Variants in AGBL4 observed in about 807,000 individuals in gnomAD.
AGBL4 encodes AGBL carboxypeptidase 4.
A neutral mutation model predicts 66.4 loss-of-function variants in AGBL4; 58 were observed. That is an observed-to-expected ratio of 0.87 (90% CI 0.71 to 1.09). AGBL4 has a LOEUF of 1.09. AGBL4 is among the 50% of genes least tolerant of loss of function. The probability of loss-of-function intolerance (pLI) is 0.00; values close to 1 mark genes in which losing one functional copy is unlikely to be tolerated. For missense variants in AGBL4, 579 were observed against 631.0 expected (o/e 0.92, Z 0.88); for synonymous variants, 234 against 222.9 (o/e 1.05, Z -0.44).
intron 6 of AGBL4, among the ~76,000 whole-genome samples, chr1:48,855,870 G>C (rs2148813943): frequency 6.6e-6 from 1 of 151,614 alleles, no homozygotes; most frequent in South Asian, 2.1e-4. Flanking sequence ...ATCTATTTTA[G>C]GATAATAAAC....
At chr1:49,371,276 C>CAT (rs1344181579) in intron 3 of AGBL4, among the ~76,000 whole-genome samples, 3 of 151,938 alleles carry the variant, frequency 2.0e-5, no homozygotes, top group African/African-American at 7.3e-5. Context: ...TACATACATA[C>CAT]ATACATACAT....
chr1:49,677,460 G>T (rs74078158), intron 3 of AGBL4, among the ~76,000 whole-genome samples: 3,263 of 151,678 alleles, frequency 0.022, 105 homozygotes, highest in African/African-American at 0.073. Flanking sequence ...ACTTAGTCTT[G>T]GTATATAATT....
At chr1:49,915,575 A>G (rs1291620289) in intron 1 of AGBL4, among the ~76,000 whole-genome samples, 3 of 152,204 alleles carry the variant, frequency 2.0e-5, no homozygotes, top group Non-Finnish European at 4.4e-5. Context: ...GTAGGTAAAC[A>G]AAGCGGCCCA....
chr1:48,617,774 A>T (rs1463121416), intron 9 of AGBL4, among the ~76,000 whole-genome samples: 1 of 151,956 alleles, frequency 6.6e-6, no homozygotes, highest in Non-Finnish European at 1.5e-5. Flanking sequence ...TGGACCCTTG[A>T]GTACCCTCTG....
At chr1:49,890,945 C>A (rs1648582884) in intron 1 of AGBL4, among the ~76,000 whole-genome samples, 2 of 152,112 alleles carry the variant, frequency 1.3e-5, no homozygotes, top group African/African-American at 2.4e-5. Context: ...CACATTAATA[C>A]AAATATAAAT....
intron 9 of AGBL4, among the ~76,000 whole-genome samples, chr1:48,608,239 A>C (rs1457675124): frequency 6.6e-6 from 1 of 152,120 alleles, no homozygotes; most frequent in Non-Finnish European, 1.5e-5. Flanking sequence ...TGGCTTATGG[A>C]GTGTGGCAGT....
intron 6 of AGBL4, among the ~76,000 whole-genome samples, chr1:48,833,911 G>A (rs1297883393): frequency 2.0e-5 from 3 of 152,172 alleles, no homozygotes. Context: ...CCAGGGGACA[G>A]GGCTAGTTCC....
chr1:49,585,585 C>T (rs1253490389), intron 3 of AGBL4, among the ~76,000 whole-genome samples: 1 of 152,050 alleles, frequency 6.6e-6, no homozygotes. Context: ...AGTCAACCCT[C>T]CAGATAAGAA....
intron 5 of AGBL4, among the ~76,000 whole-genome samples, chr1:49,012,609 C>T (rs936606927): frequency 2.6e-5 from 4 of 152,092 alleles, no homozygotes; most frequent in African/African-American, 7.2e-5. Flanking sequence ...GTTTTTGGTC[C>T]GATTAAGGAA....
At chr1:49,804,683 T>C (rs1195872468) in intron 2 of AGBL4, among the ~76,000 whole-genome samples, 1 of 152,222 alleles carries the variant, frequency 6.6e-6, no homozygotes, top group African/African-American at 2.4e-5. Context: ...TAGGACTAAC[T>C]AGTGTAACTC....
At chr1:49,936,040 A>G (rs1358314036) in intron 1 of AGBL4, among the ~76,000 whole-genome samples, 1 of 152,216 alleles carries the variant, frequency 6.6e-6, no homozygotes, top group African/African-American at 2.4e-5. Context: ...AACTACTCCA[A>G]GCTACAGGAG....
chr1:49,874,492 G>C (rs1271441739), intron 1 of AGBL4, among the ~76,000 whole-genome samples: 1 of 152,016 alleles, frequency 6.6e-6, no homozygotes, highest in Non-Finnish European at 1.5e-5. Flanking sequence ...ATGCTTAAAA[G>C]GGAAAGTGGC....
intron 3 of AGBL4, among the ~76,000 whole-genome samples, chr1:49,385,228 A>G (rs116709735): frequency 4.5e-4 from 69 of 152,304 alleles, no homozygotes; most frequent in African/African-American, 1.5e-3. Context: ...AATGCACAAC[A>G]ATGATCATAC....
At chr1:49,689,656 G>T (rs1473077562) in intron 3 of AGBL4, among the ~76,000 whole-genome samples, 1 of 152,052 alleles carries the variant, frequency 6.6e-6, no homozygotes. Context: ...GGACTGCTTT[G>T]GGTAGTGTGG....
At chr1:49,661,632 AT>A (rs1358969897) in intron 3 of AGBL4, among the ~76,000 whole-genome samples, 1 of 152,062 alleles carries the variant, frequency 6.6e-6, no homozygotes, top group Non-Finnish European at 1.5e-5. Context: ...AAATAAACAT[AT>A]TTCTTTATAA....
intron 1 of AGBL4, among the ~76,000 whole-genome samples, chr1:49,953,962 T>C (rs909141252): frequency 1.3e-5 from 2 of 151,876 alleles, no homozygotes; most frequent in African/African-American, 4.8e-5. Flanking sequence ...CGTGTGATAA[T>C]AGCTCACTGC....
chr1:49,272,391 AT>A (rs945053069), intron 3 of AGBL4, among the ~76,000 whole-genome samples: 2 of 152,228 alleles, frequency 1.3e-5, no homozygotes, highest in Non-Finnish European at 2.9e-5. Flanking sequence ...CAGTGGTCCA[AT>A]TAAAAAACAA....
chr1:49,587,579 C>G (rs980049613), intron 3 of AGBL4, among the ~76,000 whole-genome samples: 23 of 152,270 alleles, frequency 1.5e-4, no homozygotes, highest in Non-Finnish European at 7.4e-5. Context: ...AGCTGGAACC[C>G]TGTATGCAAA....
intron 3 of AGBL4, among the ~76,000 whole-genome samples, chr1:49,477,256 G>T (rs540654786): frequency 1.1e-4 from 17 of 152,122 alleles, no homozygotes; most frequent in African/African-American, 3.9e-4. Flanking sequence ...AGCAGACCTT[G>T]GGCAAGACAC....
Sources: gnomAD v4.1 joint callset for allele counts (sites outside exome capture counted in the v4.1 genomes callset) on GRCh38, gnomAD v4.1.1 for gene constraint, MANE v1.5 for transcripts, NCBI Gene and HGNC (gene_info 2026-07-23, HGNC 2026-07-21) for gene names.